Variants in LPP observed in about 807,000 individuals in gnomAD.
The protein encoded by LPP is lipoma-preferred partner.
LPP carries 38 observed loss-of-function variants against 60.4 expected under a neutral mutation model. The observed-to-expected ratio is 0.63, with a 90% CI of 0.49 to 0.83. The LOEUF is 0.83. Ranked by LOEUF, LPP falls within the 40% of genes least tolerant of loss-of-function variation. The pLI is 0.00. For missense variants in LPP, 902 were observed against 783.6 expected (o/e 1.15, Z -1.80); for synonymous variants, 328 against 290.8 (o/e 1.13, Z -1.30).
intron 8 of LPP, among the ~76,000 whole-genome samples, chr3:188,750,519 G>T (rs1727728514): frequency 6.6e-6 from 1 of 152,056 alleles, no homozygotes; most frequent in Non-Finnish European, 1.5e-5. Flanking sequence ...TGTAATCCCA[G>T]CTACTCAGGA....
intron 1 of LPP, among the ~76,000 whole-genome samples, chr3:188,213,249 G>C (rs1424302761): frequency 2.0e-5 from 3 of 152,192 alleles, no homozygotes; most frequent in Non-Finnish European, 4.4e-5. Flanking sequence ...TGTAGCATTT[G>C]CACAGCATCC....
chr3:188,452,809 C>T (rs1280578717), intron 4 of LPP, among the ~76,000 whole-genome samples: 2 of 152,138 alleles, frequency 1.3e-5, no homozygotes, highest in African/African-American at 2.4e-5. Flanking sequence ...TGTCTTGTTT[C>T]GATGGAGTTA....
At chr3:188,354,376 G>A (rs2150853035) in intron 3 of LPP, among the ~76,000 whole-genome samples, 1 of 152,218 alleles carries the variant, frequency 6.6e-6, no homozygotes, top group East Asian at 1.9e-4. Context: ...AATGTCCAGA[G>A]GGAAAGTTGA....
chr3:188,736,132 T>C (rs1234246889), intron 8 of LPP, among the ~76,000 whole-genome samples: 2 of 152,218 alleles, frequency 1.3e-5, no homozygotes, highest in Non-Finnish European at 2.9e-5. Flanking sequence ...AACAACTTTT[T>C]AAAAACTTTA....
At chr3:188,154,026 G>A (rs1715233174), upstream of LPP, 1 of 156,172 alleles carries the variant, frequency 6.4e-6, no homozygotes, top group South Asian at 1.7e-4. Flanking sequence ...TGCAAGGTAA[G>A]GGCTGGCTGC....
At chr3:188,592,514 C>T (rs141011099) in intron 6 of LPP, among the ~76,000 whole-genome samples, 1 of 150,288 alleles carries the variant, frequency 6.7e-6, no homozygotes, top group East Asian at 2.0e-4. Flanking sequence ...TATTACTTCT[C>T]ATATTTTCTA....
Position 188,598,619 on chromosome 3 carries a change from T to C in LPP, c.430-10542T>C, listed in dbSNP as rs530735913. ...TTTATATAGTTTTTGTCAATATACA[T>C]ATGAACCATTATCTTACTTTTCTTT... On this transcript the variant is annotated intron_variant, in intron 6 of 11. Coordinates refer to ENST00000617246, the MANE Select transcript of LPP (RefSeq NM_001375462.1). Among the ~76,000 whole-genome samples, 6 of 152,318 alleles carry C rather than the reference T, an allele frequency of 3.9e-5. No individual in the cohort carries two copies. In the East Asian group the frequency reaches 1.2e-3, roughly 29 times the overall value.
intron 4 of LPP, among the ~76,000 whole-genome samples, chr3:188,423,365 T>C (rs748581597): frequency 6.6e-6 from 1 of 152,208 alleles, no homozygotes; most frequent in Non-Finnish European, 1.5e-5. Context: ...TTTGGATTGG[T>C]TCCAAATCTT....
chr3:188,774,272 C>A (rs998998703), intron 9 of LPP, among the ~76,000 whole-genome samples: 1 of 152,116 alleles, frequency 6.6e-6, no homozygotes, highest in African/African-American at 2.4e-5. Flanking sequence ...CTATACCCTT[C>A]CAACTGAAGA....
chr3:188,609,784 C>T lies in LPP; in HGVS notation c.1053C>T (p.Pro351=), dbSNP rs376188184. 5.0e-6 allele frequency: 8 copies of T among 1,613,984 alleles called. No individual in the cohort carries two copies. The Admixed American group carries it at 1.0e-4, about 20-fold the overall frequency. Residue 351 remains proline (P), a synonymous_variant, in exon 7 of 12, where the codon CCC becomes CCT. Transcript: ENST00000617246. This position sits in a 1 kb window ranked among gnomAD's most constrained non-coding sequence, Gnocchi z 6.9. ...NPPGMYPVTG[P]KKTYITDPVS... The stretch of plus-strand genomic sequence containing the variant: ...CTGGGATGTATCCAGTCACTGGTCC[C>T]AAGAAGACCTATATCACAGATCCTG...
In LPP at chr3:188,257,222, G is replaced by C. The variant is rs140963962; in HGVS notation, c.-67+31695G>C. On this transcript the variant is annotated intron_variant, in intron 2 of 11. Transcript: ENST00000617246. ...TTTTCCCTGTCTTATGAAAAGAAGTGTTGATAAGCTCATTAATTAGCTTTC... is the reference window on the plus strand; with the variant it reads ...TTTTCCCTGTCTTATGAAAAGAAGTCTTGATAAGCTCATTAATTAGCTTTC... Among the ~76,000 whole-genome samples, 79 of 152,318 alleles carry C rather than the reference G, an allele frequency of 5.2e-4. 1 individual carries two copies. The highest frequency in any genetic ancestry group is 1.7e-3 in the African/African-American group (72 of 41,564).
intron 6 of LPP, among the ~76,000 whole-genome samples, chr3:188,587,851 C>G (rs183375818): frequency 1.3e-5 from 2 of 152,158 alleles, no homozygotes; most frequent in Non-Finnish European, 2.9e-5. Flanking sequence ...TTTACCTACT[C>G]GCTTTGTGTC....
At chr3:188,400,874 T>A (rs550237356) in intron 3 of LPP, among the ~76,000 whole-genome samples, 6 of 152,320 alleles carry the variant, frequency 3.9e-5, no homozygotes, top group Non-Finnish European at 5.9e-5. Flanking sequence ...TTTTTGTGTT[T>A]ACATGGGTCT....
chr3:188,628,241 G>A (rs1451317428), intron 7 of LPP, among the ~76,000 whole-genome samples: 1 of 151,790 alleles, frequency 6.6e-6, no homozygotes, highest in African/African-American at 2.4e-5. Context: ...AAAATAAATA[G>A]TTAAAATCAG....
At chr3:188,472,127 A>G (rs1802000568) in intron 4 of LPP, among the ~76,000 whole-genome samples, 1 of 152,208 alleles carries the variant, frequency 6.6e-6, no homozygotes, top group African/African-American at 2.4e-5. Context: ...TATTCCTTAC[A>G]CATCAAAGAG....
chr3:188,238,095 T>A (rs1722555956), intron 2 of LPP, among the ~76,000 whole-genome samples: 1 of 152,244 alleles, frequency 6.6e-6, no homozygotes, highest in African/African-American at 2.4e-5. Context: ...TTCCTTGCAC[T>A]TTTATGTTAT....
chr3:188,477,598 C>T (rs1045480462), intron 4 of LPP, among the ~76,000 whole-genome samples: 2 of 152,126 alleles, frequency 1.3e-5, no homozygotes, highest in Non-Finnish European at 2.9e-5. Flanking sequence ...TTTTTAAAAC[C>T]TTACTCAGCT....
chr3:188,599,402 G>C (rs1190592153), intron 6 of LPP, among the ~76,000 whole-genome samples: 2 of 152,062 alleles, frequency 1.3e-5, no homozygotes, highest in Admixed American at 1.3e-4. Context: ...AGATTTTCAA[G>C]GTAGCATCTG....
chr3:188,260,844 C>T (rs1436797935), intron 2 of LPP, among the ~76,000 whole-genome samples: 2 of 152,142 alleles, frequency 1.3e-5, no homozygotes, highest in South Asian at 4.1e-4. Context: ...AGCAGCCTGA[C>T]CAACTTGGTG....
Sources: gnomAD v4.1 joint callset for allele counts (sites outside exome capture counted in the v4.1 genomes callset) on GRCh38, gnomAD v4.1.1 for gene constraint, Gnocchi (gnomAD v3.1) non-coding constraint, MANE v1.5 for transcripts, NCBI Gene and HGNC (gene_info 2026-07-23, HGNC 2026-07-21) for gene names.